The following TAFA1 variants were observed in gnomAD, a reference collection of about 807,000 sequenced individuals.
The protein encoded by TAFA1 is chemokine-like protein TAFA-1.
Under a neutral mutation model 18.5 loss-of-function variants are expected in TAFA1, and 4 were observed. That is an observed-to-expected ratio of 0.22 (90% CI 0.11 to 0.49). TAFA1 has a LOEUF of 0.49. Among genes scored for constraint, TAFA1 ranks in the 20% least tolerant of loss-of-function variants. TAFA1 has a pLI of 0.98. For missense variants in TAFA1, 147 were observed against 169.0 expected (o/e 0.87, Z 0.72); for synonymous variants, 56 against 55.2 (o/e 1.01, Z -0.06).
intron 2 of TAFA1, among the ~76,000 whole-genome samples, chr3:68,386,274 C>T (rs2070102339): frequency 6.6e-6 from 1 of 152,148 alleles, no homozygotes; most frequent in South Asian, 2.1e-4. Flanking sequence ...ACAAATGACA[C>T]AGCTGGAATT....
intron 2 of TAFA1, among the ~76,000 whole-genome samples, chr3:68,196,155 T>A (rs2066407321): frequency 1.3e-5 from 2 of 151,774 alleles, no homozygotes. Context: ...GCCCTTTGCA[T>A]CTGTGTATAA....
At chr3:68,073,960 C>A (rs1054228948) in intron 2 of TAFA1, among the ~76,000 whole-genome samples, 1 of 152,060 alleles carries the variant, frequency 6.6e-6, no homozygotes, top group Non-Finnish European at 1.5e-5. Flanking sequence ...TTATTGTGCA[C>A]TTTATGTCTA....
rs573534675 is a variant in TAFA1, at chr3:68,488,289, G to C, written c.260-50467G>C. Among the ~76,000 whole-genome samples, 3 of 152,236 alleles carry C rather than the reference G, an allele frequency of 2.0e-5. No homozygotes were observed. In the South Asian group the frequency reaches 6.2e-4, roughly 32 times the overall value. ...CATGCAGCATGGGAGAAAGACGTAGGCCAGAAAATTAGGCCAGTCTAATAT... is the reference window on the plus strand; with the variant it reads ...CATGCAGCATGGGAGAAAGACGTAGCCCAGAAAATTAGGCCAGTCTAATAT... On this transcript the variant is annotated intron_variant, in intron 3 of 4. Coordinates refer to ENST00000478136, the MANE Select transcript of TAFA1 (RefSeq NM_213609.4).
chr3:68,214,695 C>T (rs1402808616), intron 2 of TAFA1, among the ~76,000 whole-genome samples: 1 of 152,018 alleles, frequency 6.6e-6, no homozygotes, highest in Non-Finnish European at 1.5e-5. Context: ...ATTCTTGATT[C>T]TGTGTCTAAC....
chr3:68,085,100 C>A (rs1189736742), intron 2 of TAFA1, among the ~76,000 whole-genome samples: 2 of 152,260 alleles, frequency 1.3e-5, no homozygotes. Flanking sequence ...AATGGACTCA[C>A]AATAGGATTT....
chr3:68,005,397 G>T (rs1433493738), intron 1 of TAFA1, among the ~76,000 whole-genome samples: 1 of 152,194 alleles, frequency 6.6e-6, no homozygotes, highest in Non-Finnish European at 1.5e-5. Flanking sequence ...AATTATAGTT[G>T]TCACCATTTG....
intron 3 of TAFA1, among the ~76,000 whole-genome samples, chr3:68,479,755 T>C (rs1050267214): frequency 2.0e-5 from 3 of 152,124 alleles, no homozygotes; most frequent in African/African-American, 4.8e-5. Flanking sequence ...ATTCAAATCA[T>C]AGGGACTAAG....
At chr3:68,262,660 AT>A (rs2067458907) in intron 2 of TAFA1, among the ~76,000 whole-genome samples, 1 of 151,778 alleles carries the variant, frequency 6.6e-6, no homozygotes, top group Admixed American at 6.6e-5. Context: ...TATGTACCAC[AT>A]TTTCTTTATC....
intron 2 of TAFA1, among the ~76,000 whole-genome samples, chr3:68,091,516 T>C (rs1483732020): frequency 6.6e-6 from 1 of 152,128 alleles, no homozygotes; most frequent in Non-Finnish European, 1.5e-5. Flanking sequence ...CACTGAAAAG[T>C]CATTTGGTAT....
At chr3:68,102,681 G>T (rs2065162020) in intron 2 of TAFA1, among the ~76,000 whole-genome samples, 1 of 152,150 alleles carries the variant, frequency 6.6e-6, no homozygotes, top group South Asian at 2.1e-4. Context: ...GAACTTGCAG[G>T]TTATCTCTGC....
chr3:68,371,630 T>G (rs1044164085), intron 2 of TAFA1, among the ~76,000 whole-genome samples: 9 of 152,184 alleles, frequency 5.9e-5, no homozygotes, highest in Non-Finnish European at 8.8e-5. Context: ...CTATCATTGA[T>G]GGGGATTTGG....
Position 68,195,691 on chromosome 3 carries a change from C to G in TAFA1, c.118+188947C>G, listed in dbSNP as rs927340266. Among the ~76,000 whole-genome samples the G allele has an allele frequency of 4.0e-5, 6 of 151,638 alleles. No homozygotes were observed. In the East Asian group the frequency reaches 7.8e-4, roughly 20 times the overall value. ...TCCACCATGTTAAGGCTGAGAAATC[C>G]TGTTTTCAGCCATCCCTAGTATGAT... On this transcript the variant is annotated intron_variant, in intron 2 of 4. Coordinates refer to ENST00000478136, the MANE Select transcript of TAFA1 (RefSeq NM_213609.4).
chr3:68,245,948 A>C (rs1433070685), intron 2 of TAFA1, among the ~76,000 whole-genome samples: 1 of 152,216 alleles, frequency 6.6e-6, no homozygotes, highest in Non-Finnish European at 1.5e-5. Context: ...ATGGTATAAG[A>C]CACAGGCATA....
chr3:68,081,658 CAGTCTG>C (rs1333222812), intron 2 of TAFA1, among the ~76,000 whole-genome samples: 1 of 152,176 alleles, frequency 6.6e-6, no homozygotes, highest in Non-Finnish European at 1.5e-5. Context: ...TTTGAGGAGG[CAGTCTG>C]CCCCTTCTCA....
intron 2 of TAFA1, among the ~76,000 whole-genome samples, chr3:68,088,547 T>G (rs911051275): frequency 3.9e-5 from 6 of 152,202 alleles, no homozygotes; most frequent in Admixed American, 6.5e-5. Context: ...TGCTGGATAA[T>G]TTCTTAGTTT....
At chr3:68,025,595 G>A (rs1301818363) in intron 2 of TAFA1, among the ~76,000 whole-genome samples, 1 of 152,108 alleles carries the variant, frequency 6.6e-6, no homozygotes, top group Admixed American at 6.6e-5. Context: ...TATCTCCACA[G>A]CATCTTCTCC....
chr3:68,437,828 C>G (rs13082451), intron 3 of TAFA1, among the ~76,000 whole-genome samples: 21,207 of 152,058 alleles, frequency 0.14, 1,637 homozygotes, highest in Middle Eastern at 0.17. Flanking sequence ...TCATATCCTT[C>G]TCGCATACAA....
chr3:68,472,532 AC>A (rs547943421), intron 3 of TAFA1, among the ~76,000 whole-genome samples: 2,953 of 151,980 alleles, frequency 0.019, 110 homozygotes, highest in African/African-American at 0.067. Flanking sequence ...ACACACACAC[AC>A]AAATACACAT....
In TAFA1 at chr3:68,517,063, C is replaced by T. The variant is rs141738127; in HGVS notation, c.260-21693C>T. Among the ~76,000 whole-genome samples the T allele has an allele frequency of 6.6e-3, 1,008 of 152,234 alleles. 10 individuals are homozygous for T. Among genetic ancestry groups the T allele is most frequent in the African/African-American group, 0.024 (978 of 41,528 alleles). On this transcript the variant is annotated intron_variant, in intron 3 of 4. Coordinates refer to ENST00000478136, the MANE Select transcript of TAFA1 (RefSeq NM_213609.4). ...TGCTGGGATTACAGACGTGAGCCAC[C>T]GCGCCTGGCCAATTGTTCCTGTTTC...
Sources: gnomAD v4.1 joint callset for allele counts (sites outside exome capture counted in the v4.1 genomes callset) on GRCh38, gnomAD v4.1.1 for gene constraint, MANE v1.5 for transcripts, NCBI Gene and HGNC (gene_info 2026-07-23, HGNC 2026-07-21) for gene names.